The following SNTG1 variants were observed in gnomAD, a reference collection of about 807,000 sequenced individuals.
SNTG1 encodes gamma-1-syntrophin.
In SNTG1, 39 loss-of-function variants were observed where a neutral mutation model predicts 74.7. The observed-to-expected ratio is 0.52, with a 90% CI of 0.40 to 0.68. The LOEUF (loss-of-function observed/expected upper bound fraction) is 0.68, where lower values mean the gene tolerates loss of function less well. SNTG1 is among the 30% of genes least tolerant of loss of function. SNTG1 has a pLI of 0.00. For synonymous variants in SNTG1, 254 were observed against 217.1 expected, an observed-to-expected ratio of 1.17 and a Z score of -1.49; for missense variants, 685 against 609.5, an observed-to-expected ratio of 1.12 and a Z score of -1.30.
At chr8:50,584,512 CTTTTT>C (rs34546157) in intron 12 of SNTG1, among the ~76,000 whole-genome samples, 1 of 126,804 alleles carries the variant, frequency 7.9e-6, no homozygotes, top group African/African-American at 3.0e-5. Flanking sequence ...TTCTCTGATT[CTTTTT>C]TTTTTTTTTT....
intron 15 of SNTG1, among the ~76,000 whole-genome samples, chr8:50,692,534 G>T (rs1319998044): frequency 6.6e-6 from 1 of 152,204 alleles, no homozygotes; most frequent in Non-Finnish European, 1.5e-5. Flanking sequence ...CTGTTTGCCT[G>T]GGTTTCAGCA....
At chr8:50,300,528 G>A (rs972419838) in intron 2 of SNTG1, among the ~76,000 whole-genome samples, 1 of 151,966 alleles carries the variant, frequency 6.6e-6, no homozygotes, top group Non-Finnish European at 1.5e-5. Flanking sequence ...GTTAAAATTG[G>A]TATTCTTCTA....
At chr8:49,914,476 A>G (rs1462444967) in intron 1 of SNTG1, among the ~76,000 whole-genome samples, 2 of 152,166 alleles carry the variant, frequency 1.3e-5, no homozygotes, top group Non-Finnish European at 1.5e-5. Flanking sequence ...AATGTAAAGT[A>G]TATATAGGAC....
At chr8:50,708,838 T>A in intron 16 of SNTG1, 48 bp from the exon 17 acceptor site, 1 of 1,230,454 alleles carries the variant, frequency 8.1e-7, no homozygotes, top group Non-Finnish European at 1.2e-6. Flanking sequence ...ATAATATTGA[T>A]ATTGCATCAA....
intron 2 of SNTG1, among the ~76,000 whole-genome samples, chr8:50,335,487 T>C (rs1563913117): frequency 6.6e-6 from 1 of 152,250 alleles, no homozygotes; most frequent in African/African-American, 2.4e-5. Context: ...GAAGTTCCCA[T>C]GTTCTTGGTG....
chr8:50,366,533 T>A (rs2092116039), intron 2 of SNTG1, among the ~76,000 whole-genome samples: 1 of 151,726 alleles, frequency 6.6e-6, no homozygotes, highest in African/African-American at 2.4e-5. Flanking sequence ...ATTTACTGAA[T>A]CAGATTGAGG....
chr8:50,045,412 A>C (rs1471134904), intron 1 of SNTG1, among the ~76,000 whole-genome samples: 2 of 152,160 alleles, frequency 1.3e-5, no homozygotes, highest in Non-Finnish European at 2.9e-5. Flanking sequence ...TTTTTAAACA[A>C]CCAATCTCAT....
intron 17 of SNTG1, among the ~76,000 whole-genome samples, chr8:50,722,399 C>G (rs1049822656): frequency 2.0e-5 from 3 of 151,976 alleles, no homozygotes; most frequent in African/African-American, 7.2e-5. Context: ...TGATTCTGAA[C>G]TCCTGACCTC....
chr8:50,589,705 A>G (rs2094679699), intron 12 of SNTG1, among the ~76,000 whole-genome samples: 1 of 152,186 alleles, frequency 6.6e-6, no homozygotes, highest in Non-Finnish European at 1.5e-5. Context: ...CATATGAATT[A>G]GCAAAAAGTA....
At chr8:50,512,881 G>T (rs1042298895) in intron 9 of SNTG1, among the ~76,000 whole-genome samples, 5 of 151,884 alleles carry the variant, frequency 3.3e-5, no homozygotes, top group Non-Finnish European at 7.4e-5. Flanking sequence ...TTAGCTTGGA[G>T]TAGTTTGATC....
chr8:50,000,130 A>T (rs993190774), intron 1 of SNTG1, among the ~76,000 whole-genome samples: 1 of 152,114 alleles, frequency 6.6e-6, no homozygotes, highest in Non-Finnish European at 1.5e-5. Flanking sequence ...ACCGTGCCAC[A>T]CTGGTCCAGA....
intron 2 of SNTG1, among the ~76,000 whole-genome samples, chr8:50,200,684 A>G (rs1200807395): frequency 6.6e-6 from 1 of 152,118 alleles, no homozygotes; most frequent in Non-Finnish European, 1.5e-5. Context: ...AGGATACCTC[A>G]ACTGATGACA....
chr8:50,568,738 C>T (rs537270168), intron 12 of SNTG1: 7 of 152,164 alleles, frequency 4.6e-5, no homozygotes, highest in Non-Finnish European at 7.4e-5. Flanking sequence ...TTGACAGATG[C>T]ATAGTTTGCA....
intron 18 of SNTG1, among the ~76,000 whole-genome samples, chr8:50,765,432 C>A (rs929767497): frequency 6.6e-6 from 1 of 151,908 alleles, no homozygotes; most frequent in Non-Finnish European, 1.5e-5. Context: ...GAGAGGCAAA[C>A]CCAGAGAACT....
chr8:50,550,693 G>GTGTATATATATATATATATATA (rs1554571332), intron 11 of SNTG1, among the ~76,000 whole-genome samples: 5 of 149,098 alleles, frequency 3.4e-5, no homozygotes, highest in African/African-American at 1.2e-4. Flanking sequence ...TAGTGTGTGT[G>GTGTATATATATATATATATATA]TATATATATA....
chr8:50,521,757 A>G (rs774062836), intron 9 of SNTG1, among the ~76,000 whole-genome samples: 6 of 152,198 alleles, frequency 3.9e-5, no homozygotes, highest in Non-Finnish European at 5.9e-5. Flanking sequence ...CATTTCAACA[A>G]TGTTCATAGC....
chr8:50,230,674 T>C (rs913163025), intron 2 of SNTG1, among the ~76,000 whole-genome samples: 30 of 151,322 alleles, frequency 2.0e-4, no homozygotes, highest in African/African-American at 5.8e-4. Flanking sequence ...TAATAAACGT[T>C]GTAGAGAAAA....
At chr8:49,956,142 G>T (rs1810137850) in intron 1 of SNTG1, among the ~76,000 whole-genome samples, 1 of 152,104 alleles carries the variant, frequency 6.6e-6, no homozygotes, top group Admixed American at 6.5e-5. Context: ...TTCTGATCTG[G>T]GTTACTTTCA....
chr8:50,580,275 C>T (rs2094601901), intron 12 of SNTG1, among the ~76,000 whole-genome samples: 1 of 152,158 alleles, frequency 6.6e-6, no homozygotes, highest in Non-Finnish European at 1.5e-5. Context: ...CCTATTGTAT[C>T]TAGGAAGTAA....
Sources: gnomAD v4.1 joint callset for allele counts (sites outside exome capture counted in the v4.1 genomes callset) on GRCh38, gnomAD v4.1.1 for gene constraint, MANE v1.5 for transcripts, NCBI Gene and HGNC (gene_info 2026-07-23, HGNC 2026-07-21) for gene names.